EPHX2: variants seen among roughly 807,000 people sequenced by gnomAD.
The protein encoded by EPHX2 is bifunctional epoxide hydrolase 2.
A neutral mutation model predicts 78.7 loss-of-function variants in EPHX2; 74 were observed. That is an observed-to-expected ratio of 0.94 (90% CI 0.78 to 1.14). The LOEUF is 1.14. Ranked by LOEUF, EPHX2 falls within the 50% of genes most tolerant of loss-of-function variation. EPHX2 has a pLI of 0.00. For synonymous variants in EPHX2, 251 were observed against 255.2 expected (o/e 0.98, Z 0.16); for missense variants, 715 against 702.5 (o/e 1.02, Z -0.20).
Position 27,536,929 on chromosome 8 carries a change from A to G in EPHX2, c.1242+74A>G, listed in dbSNP as rs965637666. 6.0e-6 allele frequency: 9 copies of G among 1,503,366 alleles called. No homozygotes were observed. The Admixed American group carries it at 1.5e-4, about 25-fold the overall frequency. 93.1% of individuals were successfully genotyped at this position (1,503,366 alleles called of 1,614,324 possible). A position where few individuals can be genotyped will look rare whatever the true frequency, so the allele number is the denominator to read the frequency against. On this transcript the variant is annotated intron_variant, in intron 13 of 18. Transcript: ENST00000521400. Reference sequence around the variant, plus strand: ...GGAAGTAGGGTACCTAGTGTGTGGCAGGGACCAGGAGTAGCAATCTGGCCT... The same window carrying G: ...GGAAGTAGGGTACCTAGTGTGTGGCGGGGACCAGGAGTAGCAATCTGGCCT...
intron 12 of EPHX2, among the ~76,000 whole-genome samples, chr8:27,530,544 A>G (rs1815001706): frequency 6.6e-6 from 1 of 152,180 alleles, no homozygotes; most frequent in Admixed American, 6.5e-5. Context: ...CATTTAATAC[A>G]TATTGCACAG....
chr8:27,527,474 A>G (rs1287083626), intron 12 of EPHX2, among the ~76,000 whole-genome samples: 3 of 152,204 alleles, frequency 2.0e-5, no homozygotes, highest in African/African-American at 7.2e-5. Context: ...TTGTGCAGCC[A>G]TCACCACATC....
At chr8:27,531,326 C>T (rs995447610) in intron 12 of EPHX2, among the ~76,000 whole-genome samples, 8 of 152,310 alleles carry the variant, frequency 5.3e-5, no homozygotes, top group South Asian at 2.1e-4. Flanking sequence ...ATGTGGCAGG[C>T]GGCCCCCAGT....
intron 8 of EPHX2, among the ~76,000 whole-genome samples, chr8:27,516,917 C>CTTTT (rs145423911): frequency 0.013 from 1,846 of 143,872 alleles, 51 homozygotes; most frequent in Middle Eastern, 0.043. Flanking sequence ...AATTTCCTTC[C>CTTTT]TATTTTTTTT....
In EPHX2 at chr8:27,491,314, G is replaced by C; in HGVS notation, c.101+5G>C. On this transcript the variant is annotated splice_donor_5th_base_variant and intron_variant, in intron 1 of 18. Transcript: ENST00000521400. ...GGAGGCCCTGGCGCTGCCCAGGTAA[G>C]GGGGCCCAGCGCCGCCGCCGCAGTG... is the stretch of plus-strand genomic sequence containing the variant. The C allele has an allele frequency of 6.6e-7, 1 of 1,504,278 alleles. No individual in the cohort carries two copies. The highest frequency in any genetic ancestry group is 1.4e-5 in the African/African-American group (1 of 69,136). The allele number at this position is 1,504,278 out of a possible 1,614,324, so 93.2% of individuals were successfully genotyped here.
intron 9 of EPHX2, 38 bp downstream of exon 9, chr8:27,518,110 G>A (rs201843582): frequency 1.6e-5 from 25 of 1,576,184 alleles, no homozygotes; most frequent in Middle Eastern, 1.7e-4. Context: ...CCCATCCTGC[G>A]ATTTTTGTTG....
At chr8:27,528,663 C>G (rs532301894) in intron 12 of EPHX2, among the ~76,000 whole-genome samples, 9 of 152,318 alleles carry the variant, frequency 5.9e-5, no homozygotes, top group African/African-American at 2.2e-4. Context: ...AACCCGCTCC[C>G]TCCCTGGCCA....
At chr8:27,494,749 C>G (rs1479739351) in intron 1 of EPHX2, among the ~76,000 whole-genome samples, 2 of 152,190 alleles carry the variant, frequency 1.3e-5, no homozygotes, top group African/African-American at 4.8e-5. Flanking sequence ...GGGATTTGGC[C>G]ATTTGATGAG....
At chr8:27,541,081 C>T (rs953337600) in intron 15 of EPHX2, among the ~76,000 whole-genome samples, 4 of 152,200 alleles carry the variant, frequency 2.6e-5, no homozygotes, top group African/African-American at 9.6e-5. Flanking sequence ...ATGTCCCTCT[C>T]AAGTGGGCTC....
chr8:27,521,054 G>GA, intron 10 of EPHX2, 145 bp downstream of exon 10: 3 of 852,176 alleles, frequency 3.5e-6, no homozygotes, highest in Admixed American at 4.1e-5. Flanking sequence ...CATGGGCAGG[G>GA]AAAATCACAA....
intron 16 of EPHX2, 49 bp from the exon 17 acceptor site, chr8:27,543,700 G>C (rs766848711): frequency 1.9e-6 from 3 of 1,595,070 alleles, no homozygotes; most frequent in African/African-American, 2.7e-5. Context: ...AGGAGGGAGG[G>C]CTTCCTTTGT....
At position 27,522,457 on chromosome 8, in the gene EPHX2, G is replaced by C; in HGVS notation, c.1007G>C (p.Trp336Ser). 6.2e-7 allele frequency: 1 copy of C among 1,614,066 alleles called. No individual in the cohort carries two copies. The highest frequency in any genetic ancestry group is 2.2e-5 in the East Asian group (1 of 44,870). Residue 336 changes from tryptophan to serine, a missense_variant, in exon 11 of 19, where the codon TGG becomes TCG. Transcript: ENST00000521400. The part of the protein sequence containing the change: ...LSQAVFIGHD[W>S]GGMLVWYMAL... ...CAAGCAGTGTTCATTGGCCATGACT[G>C]GGGTGGCATGCTGGTGTGGTACATG...
chr8:27,546,968 T>G (rs748506610), downstream of EPHX2, among the ~76,000 whole-genome samples: 4 of 151,954 alleles, frequency 2.6e-5, no homozygotes, highest in Non-Finnish European at 5.9e-5. Context: ...AGCAGGCACA[T>G]CCTACGTGTC....
chr8:27,533,596 T>C (rs946436558), intron 12 of EPHX2, among the ~76,000 whole-genome samples: 3 of 152,034 alleles, frequency 2.0e-5, no homozygotes, highest in Non-Finnish European at 4.4e-5. Flanking sequence ...TTCTCTCTGA[T>C]TTTTTTTAAG....
At chr8:27,505,667 AC>A (rs1052363095) in intron 4 of EPHX2, among the ~76,000 whole-genome samples, 3 of 151,726 alleles carry the variant, frequency 2.0e-5, no homozygotes, top group Admixed American at 2.0e-4. Context: ...CACATTTCCA[AC>A]CCCCCACCTC....
rs2234887 is a variant in EPHX2 at position 27,536,817 on chromosome 8, A to AGTC, written c.1206_1208dup (p.Arg403dup). 84,274 of 1,612,836 alleles carry AGTC rather than the reference A, an allele frequency of 0.052. 2,506 individuals are homozygous for AGTC. The highest frequency in any genetic ancestry group is 0.06 in the Non-Finnish European group (70,250 of 1,179,666). ...TGAGGCTGAACTGGAACAGAACCTG[A>AGTC]GTCGGACTTTCAAAAGCCTCTTCAG... On this transcript the variant is annotated inframe_insertion, in exon 13 of 19. Coordinates refer to ENST00000521400, the MANE Select transcript of EPHX2 (RefSeq NM_001979.6).
chr8:27,493,421 G>A (rs1259449297), intron 1 of EPHX2, among the ~76,000 whole-genome samples: 1 of 152,220 alleles, frequency 6.6e-6, no homozygotes, highest in African/African-American at 2.4e-5. Flanking sequence ...AGTCACTGTT[G>A]CCAAATAGTC....
intron 10 of EPHX2, 41 bp downstream of exon 10, chr8:27,520,950 T>C (rs777594210): frequency 1.9e-6 from 3 of 1,613,174 alleles, no homozygotes; most frequent in South Asian, 1.1e-5. Context: ...GAGAATTCCT[T>C]TGGGGCCTGG....
intron 5 of EPHX2, 149 bp downstream of exon 5, chr8:27,507,143 A>G: frequency 2.0e-6 from 2 of 990,046 alleles, no homozygotes; most frequent in Non-Finnish European, 2.9e-6. Flanking sequence ...CCCACTGTGC[A>G]GTCAGCACGA....
Sources: gnomAD v4.1 joint callset for allele counts (sites outside exome capture counted in the v4.1 genomes callset) on GRCh38, gnomAD v4.1.1 for gene constraint, MANE v1.5 for transcripts, NCBI Gene and HGNC (gene_info 2026-07-23, HGNC 2026-07-21) for gene names.